Variants in ASB3 observed in about 807,000 individuals in gnomAD.
The protein encoded by ASB3 is ankyrin repeat and SOCS box containing 3.
A neutral mutation model predicts 54.5 loss-of-function variants in ASB3; 41 were observed. That is an observed-to-expected ratio of 0.75 (90% CI 0.59 to 0.98). The LOEUF is 0.98. Ranked by LOEUF, ASB3 falls within the 50% of genes least tolerant of loss-of-function variation. The pLI is 0.00. For synonymous variants in ASB3, 266 were observed against 221.2 expected (o/e 1.20, Z -1.80); for missense variants, 733 against 620.0 (o/e 1.18, Z -1.94).
At chr2:53,763,439 T>C (rs1332260423) in intron 2 of ASB3, 2 of 169,270 alleles carry the variant, frequency 1.2e-5, no homozygotes, top group African/African-American at 4.8e-5. Flanking sequence ...TGGAAGATAA[T>C]AGCATTTGTA....
chr2:53,693,307 A>G (rs185394636), intron 9 of ASB3, among the ~76,000 whole-genome samples: 2 of 152,280 alleles, frequency 1.3e-5, no homozygotes, highest in Non-Finnish European at 2.9e-5. Context: ...ACTAGCTTAA[A>G]AATTTTTTTA....
At chr2:53,776,656 A>G (rs1674355133) in intron 1 of ASB3, among the ~76,000 whole-genome samples, 1 of 152,060 alleles carries the variant, frequency 6.6e-6, no homozygotes, top group South Asian at 2.1e-4. Context: ...CCATCTCTAT[A>G]AAAAATTTAA....
At chr2:53,690,017 G>C (rs1350400585) in intron 9 of ASB3, among the ~76,000 whole-genome samples, 1 of 152,030 alleles carries the variant, frequency 6.6e-6, no homozygotes, top group Non-Finnish European at 1.5e-5. Flanking sequence ...AGGATCACTT[G>C]AGCCCAGGAG....
chr2:53,748,446 A>C (rs1672345286), intron 3 of ASB3: 1 of 151,980 alleles, frequency 6.6e-6, no homozygotes, highest in Admixed American at 6.6e-5. Flanking sequence ...AAAAGCAATC[A>C]CTCCTCTAGG....
intron 1 of ASB3, among the ~76,000 whole-genome samples, chr2:53,784,246 T>C (rs777544875): frequency 1.2e-4 from 19 of 152,256 alleles, no homozygotes; most frequent in Non-Finnish European, 2.2e-4. Context: ...CTTGTACTGA[T>C]TGATGTCCTG....
chr2:53,674,689 AT>A (rs750258244), intron 9 of ASB3, among the ~76,000 whole-genome samples: 6 of 152,084 alleles, frequency 3.9e-5, no homozygotes, highest in Admixed American at 2.0e-4. Flanking sequence ...CATCAAATGC[AT>A]TTATCTGACT....
chr2:53,698,956 C>A (rs1453604302), intron 8 of ASB3, among the ~76,000 whole-genome samples: 1 of 152,194 alleles, frequency 6.6e-6, no homozygotes, highest in Admixed American at 6.5e-5. Context: ...GAGCAACAGC[C>A]CCACTTCTCA....
rs996715765 is a variant in ASB3, at chr2:53,777,238, C to T, written c.-14+9583G>A. On this transcript the variant is annotated intron_variant, in intron 1 of 9. Transcript: ENST00000263634. ...ACAGTGCTTCACTTCCTTATCAACTCGTCTTAATCCCTTTCCAATTCAACT... is the reference window on the plus strand; with the variant it reads ...ACAGTGCTTCACTTCCTTATCAACTTGTCTTAATCCCTTTCCAATTCAACT... Among the ~76,000 whole-genome samples, 35 of 152,158 alleles carry T rather than the reference C, an allele frequency of 2.3e-4. 8 individuals are homozygous for T. The highest frequency in any genetic ancestry group is 2.2e-3 in the Admixed American group (33 of 15,270).
At chr2:53,768,236 G>A (rs188157536) in intron 1 of ASB3, 36 of 560,588 alleles carry the variant, frequency 6.4e-5, no homozygotes, top group African/African-American at 6.2e-4. Flanking sequence ...AGATGCCGGT[G>A]GTTAGTCTCT....
At chr2:53,704,976 A>G (rs570621850) in intron 7 of ASB3, among the ~76,000 whole-genome samples, 11 of 152,304 alleles carry the variant, frequency 7.2e-5, no homozygotes, top group Non-Finnish European at 1.3e-4. Context: ...GAGATAAGTG[A>G]CTATTATTTC....
intron 5 of ASB3, among the ~76,000 whole-genome samples, chr2:53,724,851 T>C (rs1028620712): frequency 8.5e-5 from 13 of 152,072 alleles, no homozygotes; most frequent in African/African-American, 2.9e-4. Context: ...GTAAATTAGT[T>C]CAGCCACAGT....
chr2:53,677,901 G>C lies in ASB3; in HGVS notation c.1370-7211C>G, dbSNP rs1386037341. The stretch of plus-strand genomic sequence containing the variant: ...GACAAGGCTCACTGTTAAAGTAAAG[G>C]TGAGACTATATTTTAAATATTTTCT... On this transcript the variant is annotated intron_variant, in intron 9 of 9. Coordinates refer to ENST00000263634, the MANE Select transcript of ASB3 (RefSeq NM_016115.5). Among the ~76,000 whole-genome samples the C allele has an allele frequency of 2.6e-5, 4 of 152,114 alleles. No homozygotes were observed. The South Asian group carries it at 6.2e-4, about 24-fold the overall frequency.
At chr2:53,746,840 T>G (rs1285252032) in intron 3 of ASB3, among the ~76,000 whole-genome samples, 1 of 152,144 alleles carries the variant, frequency 6.6e-6, no homozygotes, top group Non-Finnish European at 1.5e-5. Flanking sequence ...AATACTATAT[T>G]GGCCAGGCAC....
chr2:53,763,251 T>C (rs762443872), intron 2 of ASB3, among the ~76,000 whole-genome samples: 9 of 152,070 alleles, frequency 5.9e-5, no homozygotes, highest in Non-Finnish European at 1.0e-4. Flanking sequence ...CCCAGCTACT[T>C]GGGAGACTGA....
intron 2 of ASB3, chr2:53,756,814 G>T (rs932257649): frequency 2.6e-5 from 4 of 152,926 alleles, no homozygotes; most frequent in South Asian, 1.8e-4. Context: ...CTACCCCTCC[G>T]ATCTGGCAGG....
At chr2:53,761,293 T>C (rs1365065800) in intron 2 of ASB3, among the ~76,000 whole-genome samples, 8 of 152,080 alleles carry the variant, frequency 5.3e-5, no homozygotes, top group Non-Finnish European at 8.8e-5. Flanking sequence ...AAATCATATA[T>C]CGCCTGAGAG....
At chr2:53,682,332 T>A (rs969704591) in intron 9 of ASB3, among the ~76,000 whole-genome samples, 3 of 152,194 alleles carry the variant, frequency 2.0e-5, no homozygotes, top group Non-Finnish European at 2.9e-5. Flanking sequence ...TTTTGATGTA[T>A]CCTCTTTAAT....
intron 7 of ASB3, among the ~76,000 whole-genome samples, chr2:53,701,644 T>C (rs1177152416): frequency 6.6e-6 from 1 of 152,226 alleles, no homozygotes; most frequent in East Asian, 1.9e-4. Context: ...AACCTCCTTA[T>C]ACAGTATACA....
intron 9 of ASB3, among the ~76,000 whole-genome samples, chr2:53,680,814 T>C (rs1221057946): frequency 1.3e-5 from 2 of 152,172 alleles, no homozygotes; most frequent in African/African-American, 4.8e-5. Flanking sequence ...CAAATAGATC[T>C]TATTCATTCT....
Sources: gnomAD v4.1 joint callset for allele counts (sites outside exome capture counted in the v4.1 genomes callset) on GRCh38, gnomAD v4.1.1 for gene constraint, MANE v1.5 for transcripts, NCBI Gene and HGNC (gene_info 2026-07-23, HGNC 2026-07-21) for gene names.